CLOCK: variants seen among roughly 807,000 people sequenced by gnomAD.
The protein encoded by CLOCK is clock circadian regulator.
A neutral mutation model predicts 118.4 loss-of-function variants in CLOCK; 43 were observed. The observed-to-expected ratio is 0.36, with a 90% confidence interval of 0.28 to 0.47. The LOEUF (loss-of-function observed/expected upper bound fraction) is 0.47. Ranked by LOEUF, CLOCK falls within the 20% of genes least tolerant of loss-of-function variation. The pLI is 1.00. For synonymous variants in CLOCK, 326 were observed against 339.2 expected (o/e 0.96, Z 0.43); for missense variants, 846 against 999.9 (o/e 0.85, Z 2.08).
intron 22 of CLOCK, among the ~76,000 whole-genome samples, chr4:55,437,573 C>T (rs1038224616): frequency 1.3e-5 from 2 of 152,168 alleles, no homozygotes; most frequent in African/African-American, 4.8e-5. Context: ...GTCAATATAG[C>T]GGTCACAAAT....
chr4:55,511,677 T>C (rs532513471), intron 1 of CLOCK, among the ~76,000 whole-genome samples: 1 of 152,150 alleles, frequency 6.6e-6, no homozygotes, highest in Non-Finnish European at 1.5e-5. Context: ...TTTTATGAAT[T>C]TGGACAAACA....
chr4:55,451,486 T>C (rs1724448401), intron 15 of CLOCK, among the ~76,000 whole-genome samples: 3 of 152,122 alleles, frequency 2.0e-5, no homozygotes, highest in Admixed American at 2.0e-4. Context: ...CCATCAAAAT[T>C]CATGATTTTG....
chr4:55,506,211 T>C (rs964703067), intron 2 of CLOCK, among the ~76,000 whole-genome samples: 2 of 152,164 alleles, frequency 1.3e-5, no homozygotes, highest in Non-Finnish European at 2.9e-5. Flanking sequence ...TTTCAGTAAA[T>C]ATCTTTTGTT....
intron 13 of CLOCK, 87 bp from the exon 14 acceptor site, chr4:55,453,911 GT>G: frequency 1.0e-6 from 1 of 976,332 alleles, no homozygotes. Context: ...TTACATTTAA[GT>G]TTACACATAC....
chr4:55,510,884 G>C (rs1342527952), intron 1 of CLOCK, among the ~76,000 whole-genome samples: 1 of 152,154 alleles, frequency 6.6e-6, no homozygotes, highest in African/African-American at 2.4e-5. Flanking sequence ...GATGGGCAAA[G>C]AAAGAAAGCA....
chr4:55,468,769 A>T (rs1725911779), intron 8 of CLOCK, among the ~76,000 whole-genome samples: 1 of 152,248 alleles, frequency 6.6e-6, no homozygotes, highest in South Asian at 2.1e-4. Flanking sequence ...ATTAGAATAA[A>T]GAAGACAGGA....
At chr4:55,525,327 C>G (rs1014151472) in intron 1 of CLOCK, among the ~76,000 whole-genome samples, 1 of 152,074 alleles carries the variant, frequency 6.6e-6, no homozygotes, top group African/African-American at 2.4e-5. Context: ...AAAAGAAAAG[C>G]AGCCAGACAT....
At chr4:55,448,262 A>G (rs1724048266) in intron 18 of CLOCK, among the ~76,000 whole-genome samples, 1 of 152,232 alleles carries the variant, frequency 6.6e-6, no homozygotes, top group South Asian at 2.1e-4. Flanking sequence ...AACTCAATAA[A>G]TATCAAAAGA....
intron 1 of CLOCK, among the ~76,000 whole-genome samples, chr4:55,525,786 T>C (rs976083017): frequency 6.6e-6 from 1 of 151,780 alleles, no homozygotes; most frequent in African/African-American, 2.4e-5. Flanking sequence ...AAAAATTTTT[T>C]AAAGTATATG....
chr4:55,510,011 A>G lies in CLOCK; in HGVS notation c.-235T>C, dbSNP rs578028911. On this transcript the variant is annotated 5_prime_UTR_variant, in exon 2 of 23. Transcript: ENST00000513440. ...TAGAATTATCCAAAGGCATCTTACA[A>G]TGTGATAGAATCAGCTTCTGAGCTC... 1 of 152,370 alleles carries G rather than the reference A, an allele frequency of 6.6e-6. No individual in the cohort carries two copies. Among genetic ancestry groups the G allele is most frequent in the East Asian group, 1.9e-4 (1 of 5,186 alleles). 9.4% of individuals were successfully genotyped at this position (152,370 alleles called of 1,614,324 possible). A position where few individuals can be genotyped will look rare whatever the true frequency, so the allele number is the denominator to read the frequency against.
intron 1 of CLOCK, among the ~76,000 whole-genome samples, chr4:55,519,876 G>T (rs1350690052): frequency 6.6e-6 from 1 of 152,114 alleles, no homozygotes; most frequent in Non-Finnish European, 1.5e-5. Flanking sequence ...GGGTGGCAGG[G>T]GGTCTTTCCT....
At chr4:55,528,255 AG>A (rs1298836516) in intron 1 of CLOCK, among the ~76,000 whole-genome samples, 1 of 152,020 alleles carries the variant, frequency 6.6e-6, no homozygotes, top group African/African-American at 2.4e-5. Flanking sequence ...CTGAGGCAGG[AG>A]AATCACTTGA....
rs60471915 is a variant in CLOCK at position 55,503,978 on chromosome 4, T to TAAAAAAAAAAAA, written c.-136+5922_-136+5933dup. 1.4e-3 allele frequency among the ~76,000 whole-genome samples: 98 copies of TAAAAAAAAAAAA among 71,122 alleles called. 6 individuals carry two copies. Among genetic ancestry groups the TAAAAAAAAAAAA allele is most frequent in the East Asian group, 3.2e-3 (6 of 1,894 alleles). The allele number at this position is 71,122 out of a possible 152,430, so 46.7% of individuals were successfully genotyped here. A position where few individuals can be genotyped will look rare whatever the true frequency, so the allele number is the denominator to read the frequency against. ...ACAGTTTCTATTTGGCAAAAAGAGGTAAAAAAAAAAAAAAAAAAAAAAAAA... is the reference window on the plus strand; with the variant it reads ...ACAGTTTCTATTTGGCAAAAAGAGGTAAAAAAAAAAAAAAAAAAAAAAAAAAAAAAAAAAAAA... On this transcript the variant is annotated intron_variant, in intron 2 of 22. Coordinates refer to ENST00000513440, the MANE Select transcript of CLOCK (RefSeq NM_004898.4).
chr4:55,515,848 A>C (rs1729476673), intron 1 of CLOCK, among the ~76,000 whole-genome samples: 1 of 152,136 alleles, frequency 6.6e-6, no homozygotes, highest in Non-Finnish European at 1.5e-5. Context: ...TGCATCCCGC[A>C]TATTTTGTTA....
chr4:55,538,898 A>G (rs1399019108), intron 1 of CLOCK, among the ~76,000 whole-genome samples: 1 of 152,242 alleles, frequency 6.6e-6, no homozygotes, highest in Non-Finnish European at 1.5e-5. Context: ...TAATGTGTTG[A>G]AAGAAAATAA....
intron 1 of CLOCK, among the ~76,000 whole-genome samples, chr4:55,536,528 G>A: frequency 6.6e-6 from 1 of 152,052 alleles, no homozygotes; most frequent in East Asian, 1.9e-4. Flanking sequence ...TTGCTCTCTT[G>A]CTCCCACTCT....
At chr4:55,480,018 G>C (rs182929516) in intron 4 of CLOCK, among the ~76,000 whole-genome samples, 1 of 152,216 alleles carries the variant, frequency 6.6e-6, no homozygotes, top group African/African-American at 2.4e-5. Context: ...TAGAAAGTCA[G>C]TGTTTGCCAT....
chr4:55,457,296 T>TA (rs769390610), intron 11 of CLOCK, among the ~76,000 whole-genome samples: 124 of 152,298 alleles, frequency 8.1e-4, no homozygotes, highest in Middle Eastern at 6.8e-3. Context: ...ATCTGATAGT[T>TA]AAAAAAACAT....
intron 1 of CLOCK, among the ~76,000 whole-genome samples, chr4:55,531,448 T>C (rs925858356): frequency 5.3e-5 from 8 of 152,036 alleles, no homozygotes; most frequent in African/African-American, 1.9e-4. Flanking sequence ...GGCTCATATC[T>C]GTAATCCCAG....
Sources: gnomAD v4.1 joint callset for allele counts (sites outside exome capture counted in the v4.1 genomes callset) on GRCh38, gnomAD v4.1.1 for gene constraint, MANE v1.5 for transcripts, NCBI Gene and HGNC (gene_info 2026-07-23, HGNC 2026-07-21) for gene names.